APBA2: variants seen among roughly 807,000 people sequenced by gnomAD.
APBA2 encodes the protein amyloid-beta A4 precursor protein-binding family A member 2.
APBA2 carries 30 observed loss-of-function variants against 75.0 expected under a neutral mutation model. The observed-to-expected ratio is 0.40, with a 90% CI of 0.30 to 0.54. The LOEUF (loss-of-function observed/expected upper bound fraction) is 0.54, where lower values mean the gene tolerates loss of function less well. Among genes scored for constraint, APBA2 ranks in the 20% least tolerant of loss-of-function variants. APBA2 has a pLI of 0.49. For missense variants in APBA2, 801 were observed against 1,016.1 expected, an observed-to-expected ratio of 0.79 and a Z score of 2.88; for synonymous variants, 444 against 409.6, an observed-to-expected ratio of 1.08 and a Z score of -1.01.
chr15:29,105,626 G>A (rs910436302), intron 11 of APBA2, 68 bp downstream of exon 11: 7 of 1,578,732 alleles, frequency 4.4e-6, no homozygotes, highest in African/African-American at 4.0e-5. Context: ...CTCCTGCAGA[G>A]CGAGCCTTCC....
chr15:28,899,133 T>C (rs2152626678), intron 1 of APBA2, among the ~76,000 whole-genome samples: 1 of 152,324 alleles, frequency 6.6e-6, no homozygotes, highest in South Asian at 2.1e-4. Flanking sequence ...GGAGAACTCA[T>C]CGGGGGCAGC....
intron 4 of APBA2, among the ~76,000 whole-genome samples, chr15:29,062,156 T>C (rs762762022): frequency 1.1e-4 from 16 of 152,100 alleles, no homozygotes; most frequent in Non-Finnish European, 1.9e-4. Flanking sequence ...CAGGCCTCAG[T>C]GGAGTAGTCG....
chr15:28,956,391 T>C (rs1266178824), intron 2 of APBA2, among the ~76,000 whole-genome samples: 1 of 152,062 alleles, frequency 6.6e-6, no homozygotes, highest in Non-Finnish European at 1.5e-5. Context: ...GCGTGGAGGC[T>C]GGACAGATGC....
intron 1 of APBA2, among the ~76,000 whole-genome samples, chr15:28,917,916 C>T (rs1487029930): frequency 1.3e-5 from 2 of 152,184 alleles, no homozygotes; most frequent in Non-Finnish European, 1.5e-5. Context: ...CTCACTGCAT[C>T]CTGCCCCCGC....
At chr15:29,013,533 G>A (rs1300824103) in intron 3 of APBA2, among the ~76,000 whole-genome samples, 1 of 151,840 alleles carries the variant, frequency 6.6e-6, no homozygotes, top group Non-Finnish European at 1.5e-5. Context: ...CACCCACCTC[G>A]GCCTCCCAAA....
chr15:29,069,195 C>G (rs2042510187), intron 4 of APBA2, among the ~76,000 whole-genome samples: 1 of 152,184 alleles, frequency 6.6e-6, no homozygotes, highest in Admixed American at 6.5e-5. Flanking sequence ...GTACTTTGTT[C>G]ATTTTTGTGG....
chr15:28,946,099 C>G (rs961147006), intron 2 of APBA2, among the ~76,000 whole-genome samples: 2 of 152,174 alleles, frequency 1.3e-5, no homozygotes, highest in African/African-American at 4.8e-5. Flanking sequence ...TAATTTAGAT[C>G]TTGATTTTGT....
At chr15:29,116,704 C>T (rs537432843) in intron 14 of APBA2, among the ~76,000 whole-genome samples, 15 of 152,214 alleles carry the variant, frequency 9.9e-5, no homozygotes, top group African/African-American at 3.6e-4. Context: ...GTGCATCCCT[C>T]GCAGTTTCTG....
chr15:28,926,317 TCA>T (rs1401232981), intron 2 of APBA2, among the ~76,000 whole-genome samples: 1 of 152,212 alleles, frequency 6.6e-6, no homozygotes, highest in Non-Finnish European at 1.5e-5. Context: ...AGTGTATCAC[TCA>T]TACTTCTTTT....
intron 7 of APBA2, among the ~76,000 whole-genome samples, chr15:29,094,009 C>T (rs2043718456): frequency 6.6e-6 from 1 of 152,254 alleles, no homozygotes; most frequent in African/African-American, 2.4e-5. Context: ...TGGAGCTCAG[C>T]TCCCCTTCCT....
chr15:29,106,572 C>A (rs200801103), intron 11 of APBA2, 35 bp from the exon 12 acceptor site: 2 of 1,611,272 alleles, frequency 1.2e-6, no homozygotes, highest in East Asian at 2.2e-5. Context: ...CGGTCCTTGC[C>A]GCCAGCCCCT....
intron 4 of APBA2, among the ~76,000 whole-genome samples, chr15:29,067,328 G>A (rs2152914317): frequency 6.6e-6 from 1 of 152,330 alleles, no homozygotes; most frequent in African/African-American, 2.4e-5. Flanking sequence ...TGTAGCCACA[G>A]TGGGGATGAA....
chr15:28,909,258 G>A (rs2033305153), intron 1 of APBA2, among the ~76,000 whole-genome samples: 1 of 152,062 alleles, frequency 6.6e-6, no homozygotes, highest in African/African-American at 2.4e-5. Context: ...CCAAAGTGCT[G>A]GGATTACAGG....
At chr15:29,073,808 C>T (rs907259643) in intron 4 of APBA2, among the ~76,000 whole-genome samples, 16 of 152,208 alleles carry the variant, frequency 1.1e-4, no homozygotes, top group Non-Finnish European at 2.1e-4. Context: ...ATGGATCTGG[C>T]TTCTGTCTTC....
intron 4 of APBA2, chr15:29,071,024 C>G: frequency 2.2e-6 from 1 of 456,084 alleles, no homozygotes; most frequent in Non-Finnish European, 4.4e-6. Flanking sequence ...TATCCCTAAC[C>G]TCAGCTCCTG....
chr15:29,111,438 C>G (rs895984943), intron 13 of APBA2, among the ~76,000 whole-genome samples: 2 of 152,084 alleles, frequency 1.3e-5, no homozygotes, highest in African/African-American at 2.4e-5. Context: ...CTCCAGGATA[C>G]AGGACAGCTC....
intron 3 of APBA2, among the ~76,000 whole-genome samples, chr15:29,000,919 G>A (rs1207738940): frequency 6.6e-6 from 1 of 152,166 alleles, no homozygotes; most frequent in Non-Finnish European, 1.5e-5. Context: ...CATTGACCTG[G>A]CTCTGCCTCT....
chr15:28,896,058 A>G (rs1278962411), intron 1 of APBA2, among the ~76,000 whole-genome samples: 1 of 152,048 alleles, frequency 6.6e-6, no homozygotes, highest in African/African-American at 2.4e-5. Flanking sequence ...GGCTGCAGTG[A>G]GCTGTGACTG....
At chr15:28,923,655 G>A (rs2034097509) in intron 2 of APBA2, among the ~76,000 whole-genome samples, 1 of 152,166 alleles carries the variant, frequency 6.6e-6, no homozygotes, top group Non-Finnish European at 1.5e-5. Context: ...CTTCTCATAT[G>A]GAACACGTGG....
Sources: gnomAD v4.1 joint callset for allele counts (sites outside exome capture counted in the v4.1 genomes callset) on GRCh38, gnomAD v4.1.1 for gene constraint, MANE v1.5 for transcripts, NCBI Gene and HGNC (gene_info 2026-07-23, HGNC 2026-07-21) for gene names.